Variants in STPG2 observed in about 807,000 individuals in gnomAD.
STPG2 encodes the protein sperm-tail PG-rich repeat-containing protein 2.
A neutral mutation model predicts 54.2 loss-of-function variants in STPG2; 56 were observed. That is an observed-to-expected ratio of 1.03 (90% CI 0.83 to 1.29). The LOEUF is 1.29. Among genes scored for constraint, STPG2 ranks in the 50% most tolerant of loss-of-function variants. The pLI, the probability that STPG2 is intolerant of heterozygous loss-of-function variation, is 0.00. For missense variants in STPG2, 596 were observed against 544.9 expected, an observed-to-expected ratio of 1.09 and a Z score of -0.93; for synonymous variants, 200 against 181.8, an observed-to-expected ratio of 1.10 and a Z score of -0.81.
intron 10 of STPG2, among the ~76,000 whole-genome samples, chr4:97,651,332 T>C (rs982688179): frequency 3.3e-5 from 5 of 152,102 alleles, no homozygotes; most frequent in African/African-American, 1.2e-4. Context: ...AAAAAGATTA[T>C]GACAAATGCT....
At chr4:97,665,893 G>C (rs1055859659) in intron 10 of STPG2, among the ~76,000 whole-genome samples, 1 of 152,126 alleles carries the variant, frequency 6.6e-6, no homozygotes. Context: ...CAGTGCCCAG[G>C]CTCAGCCTCA....
At chr4:97,674,992 A>C (rs970538023) in intron 10 of STPG2, among the ~76,000 whole-genome samples, 2 of 152,084 alleles carry the variant, frequency 1.3e-5, no homozygotes, top group Non-Finnish European at 1.5e-5. Context: ...TATATTGATA[A>C]TATTGAAGTA....
At chr4:97,999,290 T>G (rs190113595) in intron 5 of STPG2, among the ~76,000 whole-genome samples, 1 of 152,238 alleles carries the variant, frequency 6.6e-6, no homozygotes, top group Non-Finnish European at 1.5e-5. Flanking sequence ...ACAGATAGTA[T>G]TGGTTTCTAG....
intron 5 of STPG2, among the ~76,000 whole-genome samples, chr4:98,036,744 A>C (rs1024797110): frequency 5.3e-5 from 8 of 152,056 alleles, no homozygotes; most frequent in Non-Finnish European, 1.0e-4. Context: ...AGTTTGTACA[A>C]CAAACCCCCT....
At chr4:97,704,391 G>C (rs1280720853) in intron 10 of STPG2, among the ~76,000 whole-genome samples, 4 of 152,080 alleles carry the variant, frequency 2.6e-5, no homozygotes, top group Non-Finnish European at 5.9e-5. Context: ...ACACAACCCA[G>C]AGAAGCTCAT....
At chr4:97,562,282 C>T (rs1448460264) in intron 10 of STPG2, among the ~76,000 whole-genome samples, 2 of 152,146 alleles carry the variant, frequency 1.3e-5, no homozygotes, top group Non-Finnish European at 1.5e-5. Flanking sequence ...GATTTTTGCA[C>T]ATTGATTTTG....
chr4:97,864,267 A>AT (rs1478828298), intron 8 of STPG2, among the ~76,000 whole-genome samples: 1 of 151,324 alleles, frequency 6.6e-6, no homozygotes, highest in Non-Finnish European at 1.5e-5. Context: ...ATACAAAATC[A>AT]ATGTGCAAAA....
chr4:97,753,318 T>C (rs926486847), intron 9 of STPG2, among the ~76,000 whole-genome samples: 1 of 152,008 alleles, frequency 6.6e-6, no homozygotes, highest in African/African-American at 2.4e-5. Flanking sequence ...CTCACGCAAG[T>C]GGAACTGTAC....
chr4:97,681,224 C>A (rs971949167), intron 10 of STPG2, among the ~76,000 whole-genome samples: 1 of 151,710 alleles, frequency 6.6e-6, no homozygotes, highest in African/African-American at 2.4e-5. Context: ...ATATAAAATA[C>A]AAATTTTGAA....
intron 8 of STPG2, among the ~76,000 whole-genome samples, chr4:97,873,785 C>A (rs924897105): frequency 6.6e-6 from 1 of 151,418 alleles, no homozygotes; most frequent in African/African-American, 2.4e-5. Context: ...TCATCTCTTG[C>A]AAAATTAAAA....
At chr4:97,460,977 T>G (rs1729648227) in intron 4 of STPG2, among the ~76,000 whole-genome samples, 1 of 152,256 alleles carries the variant, frequency 6.6e-6, no homozygotes, top group Non-Finnish European at 1.5e-5. Context: ...TCATTCCATT[T>G]TATAAATACA....
chr4:97,916,971 A>T (rs1411164562), intron 8 of STPG2: 1 of 152,698 alleles, frequency 6.5e-6, no homozygotes, highest in Non-Finnish European at 1.5e-5. Context: ...AGATAAATGG[A>T]GGACAGCAGC....
chr4:97,918,572 T>C (rs1438599603), intron 8 of STPG2, among the ~76,000 whole-genome samples: 1 of 151,966 alleles, frequency 6.6e-6, no homozygotes, highest in East Asian at 1.9e-4. Context: ...TATATGTGTA[T>C]GTGTATATGT....
intron 5 of STPG2, among the ~76,000 whole-genome samples, chr4:98,067,078 A>G (rs1437824834): frequency 6.6e-6 from 1 of 152,200 alleles, no homozygotes; most frequent in East Asian, 1.9e-4. Flanking sequence ...AACTAAAACA[A>G]CACATTCAGA....
chr4:97,611,613 C>T (rs2148915301), intron 10 of STPG2, among the ~76,000 whole-genome samples: 1 of 151,684 alleles, frequency 6.6e-6, no homozygotes, highest in East Asian at 1.9e-4. Context: ...CTAGAATTTG[C>T]AGAAAATAAG....
chr4:97,692,530 C>T (rs1278917789), intron 10 of STPG2, among the ~76,000 whole-genome samples: 2 of 152,042 alleles, frequency 1.3e-5, no homozygotes, highest in African/African-American at 4.8e-5. Flanking sequence ...ACAAAGCCTC[C>T]AAGAAGTCTG....
chr4:97,486,199 T>C (rs1384480015), intron 4 of STPG2, among the ~76,000 whole-genome samples: 4 of 151,858 alleles, frequency 2.6e-5, no homozygotes, highest in Non-Finnish European at 5.9e-5. Flanking sequence ...AAAGAGCTTT[T>C]GCTTGGCAAA....
At chr4:97,896,710 A>T (rs1413091432) in intron 8 of STPG2, among the ~76,000 whole-genome samples, 1 of 151,740 alleles carries the variant, frequency 6.6e-6, no homozygotes, top group Non-Finnish European at 1.5e-5. Context: ...AAATATTTTT[A>T]TATTTTGTAA....
At chr4:97,956,623 A>G (rs572737120) in intron 7 of STPG2, among the ~76,000 whole-genome samples, 138 of 152,304 alleles carry the variant, frequency 9.1e-4, no homozygotes, top group African/African-American at 3.2e-3. Context: ...AGAGATCCAC[A>G]TATGGTTCAC....
Sources: gnomAD v4.1 joint callset for allele counts (sites outside exome capture counted in the v4.1 genomes callset) on GRCh38, gnomAD v4.1.1 for gene constraint, MANE v1.5 for transcripts, NCBI Gene and HGNC (gene_info 2026-07-23, HGNC 2026-07-21) for gene names.